Variants in XDH observed in about 807,000 individuals in gnomAD.
The protein encoded by XDH is xanthine dehydrogenase.
A neutral mutation model predicts 156.1 loss-of-function variants in XDH; 138 were observed. The observed-to-expected ratio is 0.88, with a 90% confidence interval of 0.77 to 1.02. The LOEUF (loss-of-function observed/expected upper bound fraction) is 1.02, where lower values mean the gene tolerates loss of function less well. XDH is among the 50% of genes least tolerant of loss of function. XDH has a pLI of 0.00. For missense variants in XDH, 1,849 were observed against 1,684.9 expected (o/e 1.10, Z -1.71); for synonymous variants, 669 against 625.7 (o/e 1.07, Z -1.03).
chr2:31,388,133 C>T, intron 7 of XDH, 94 bp downstream of exon 7: 1 of 1,441,776 alleles, frequency 6.9e-7, no homozygotes, highest in Non-Finnish European at 9.7e-7. Flanking sequence ...GGTTCCTCTT[C>T]CAGCCCCCAC....
chr2:31,413,956 C>A (rs1290491038), intron 1 of XDH, among the ~76,000 whole-genome samples: 2 of 152,050 alleles, frequency 1.3e-5, no homozygotes, highest in Non-Finnish European at 2.9e-5. Context: ...TTCCCTAAGT[C>A]CCTGTGTACC....
At chr2:31,379,572 C>T (rs1370533281) in intron 13 of XDH, among the ~76,000 whole-genome samples, 1 of 152,130 alleles carries the variant, frequency 6.6e-6, no homozygotes, top group Admixed American at 6.5e-5. Flanking sequence ...GACATGGTGC[C>T]CATTTTACAG....
At chr2:31,365,331 T>C in intron 23 of XDH, 126 bp downstream of exon 23, 1 of 967,162 alleles carries the variant, frequency 1.0e-6, no homozygotes, top group Non-Finnish European at 1.7e-6. Context: ...CTTCTTGCTA[T>C]ATCTTATTTG....
rs1452407679 is a variant in XDH at position 31,334,773 on chromosome 2, C to T, written c.*1185G>A. 6.6e-6 allele frequency: 1 copy of T among 152,150 alleles called. No homozygotes were observed. The highest frequency in any genetic ancestry group is 1.9e-4 in the East Asian group (1 of 5,202). The allele number at this position is 152,150 out of a possible 1,614,324, so 9.4% of individuals were successfully genotyped here. On this transcript the variant is annotated 3_prime_UTR_variant, in exon 36 of 36. Coordinates refer to ENST00000379416, the MANE Select transcript of XDH (RefSeq NM_000379.4). ...AAGGGGAATTGACAGTCCAAGATCA[C>T]AAAGATAGAGACAGAAGAGACAGAG...
At chr2:31,392,682 C>T (rs1028236780) in intron 6 of XDH, among the ~76,000 whole-genome samples, 2 of 152,160 alleles carry the variant, frequency 1.3e-5, no homozygotes, top group African/African-American at 4.8e-5. Context: ...CTCATCCTCC[C>T]AAAGTGCTGG....
At chr2:31,362,470 A>G (rs1210841272) in intron 24 of XDH, among the ~76,000 whole-genome samples, 3 of 152,246 alleles carry the variant, frequency 2.0e-5, no homozygotes. Flanking sequence ...AGCCACAAGT[A>G]AAACTAAATT....
At chr2:31,374,002 A>T (rs1440446042) in intron 15 of XDH, 46 bp from the exon 16 acceptor site, 3 of 1,571,880 alleles carry the variant, frequency 1.9e-6, no homozygotes, top group Non-Finnish European at 2.6e-6. Context: ...TATTTCAATC[A>T]CTGATTCCTT....
At chr2:31,348,442 C>A in intron 27 of XDH, 79 bp from the exon 28 acceptor site, 1 of 1,373,286 alleles carries the variant, frequency 7.3e-7, no homozygotes. Context: ...GGTATGGAGC[C>A]CAGGAACAAG....
At chr2:31,390,888 TA>T (rs879639882) in intron 6 of XDH, among the ~76,000 whole-genome samples, 1 of 152,244 alleles carries the variant, frequency 6.6e-6, no homozygotes, top group Non-Finnish European at 1.5e-5. Flanking sequence ...AAGTTCTTTG[TA>T]TATTTGGATA....
intron 1 of XDH, among the ~76,000 whole-genome samples, chr2:31,412,000 G>C (rs757396760): frequency 4.6e-5 from 7 of 151,132 alleles, no homozygotes; most frequent in Non-Finnish European, 7.4e-5. Context: ...TCACCGTGAC[G>C]ATCTCTGTAG....
Position 31,372,380 on chromosome 2 carries a change from C to T in XDH, c.1704G>A (p.Gln568=), listed in dbSNP as rs775082181. Residue 568 remains glutamine (Q), a synonymous_variant, in exon 17 of 36, where the codon CAG becomes CAA. Transcript: ENST00000379416. ...GCCGGCCCACCATGTCCTCCTCAGA[C>T]TGACCCTTGGGCACCTCCTGGAATG... The part of the protein sequence containing the change: ...VQLFQEVPKG[Q]SEEDMVGRPL... 3 of 1,614,108 alleles carry T rather than the reference C, an allele frequency of 1.9e-6. No individual in the cohort carries two copies. Among genetic ancestry groups the T allele is most frequent in the Non-Finnish European group, 1.7e-6 (2 of 1,180,056 alleles).
intron 1 of XDH, among the ~76,000 whole-genome samples, chr2:31,409,219 T>C (rs568337091): frequency 1.3e-5 from 2 of 152,274 alleles, no homozygotes; most frequent in African/African-American, 4.8e-5. Flanking sequence ...AGACCTAGTG[T>C]TGGATAACAC....
chr2:31,345,658 G>A (rs1379158135), intron 30 of XDH, among the ~76,000 whole-genome samples: 1 of 152,016 alleles, frequency 6.6e-6, no homozygotes, highest in African/African-American at 2.4e-5. Context: ...ACCTGCACTA[G>A]TCATTTAACA....
At chr2:31,412,282 G>A (rs1296032741) in intron 1 of XDH, among the ~76,000 whole-genome samples, 1 of 152,170 alleles carries the variant, frequency 6.6e-6, no homozygotes, top group Non-Finnish European at 1.5e-5. Flanking sequence ...AGGCCCTAGA[G>A]GTATTCGACT....
rs552452907 is a variant in XDH, at chr2:31,375,416, T to C, written c.1566A>G (p.Thr522=). The change falls in exon 15 of 36, where the codon ACA becomes ACG. Residue 522 remains threonine, a synonymous_variant. Transcript: ENST00000379416. ...TLSFFFKFYL[T]VLQKLGQENL... ...TCTCTTGGCCCAGCTTCTGAAGGAC[T>C]GTCAGGTAGAACTTGAAGAAGAAGC... 3 of 1,614,212 alleles carry C rather than the reference T, an allele frequency of 1.9e-6. No homozygotes were observed. In the African/African-American group the frequency reaches 4.0e-5, roughly 22 times the overall value.
At chr2:31,393,633 T>G (rs146132613) in intron 6 of XDH, among the ~76,000 whole-genome samples, 2 of 152,152 alleles carry the variant, frequency 1.3e-5, no homozygotes, top group Admixed American at 6.5e-5. Flanking sequence ...ATTGATATAG[T>G]TGGATTAGTA....
rs149985466 is a variant in XDH at position 31,338,096 on chromosome 2, C to T, written c.3775-279G>A. On this transcript the variant is annotated intron_variant, in intron 34 of 35. Coordinates refer to ENST00000379416, the MANE Select transcript of XDH (RefSeq NM_000379.4). ...ATGACATCATGCACATATAATGTACCATTTAAAGTTATACTCGGTAATTGT... is the reference window on the plus strand; with the variant it reads ...ATGACATCATGCACATATAATGTACTATTTAAAGTTATACTCGGTAATTGT... Among the ~76,000 whole-genome samples, 57 of 152,278 alleles carry T rather than the reference C, an allele frequency of 3.7e-4. 1 individual carries two copies. Among genetic ancestry groups the T allele is most frequent in the African/African-American group, 1.3e-3 (54 of 41,554 alleles).
intron 6 of XDH, among the ~76,000 whole-genome samples, chr2:31,397,231 C>A (rs117082837): frequency 0.025 from 3,826 of 152,282 alleles, 65 homozygotes; most frequent in Middle Eastern, 0.065. Context: ...ATAAGCCCAA[C>A]AGAGTGCCAG....
intron 24 of XDH, among the ~76,000 whole-genome samples, chr2:31,361,286 C>T (rs546876883): frequency 6.6e-6 from 1 of 152,346 alleles, no homozygotes; most frequent in South Asian, 2.1e-4. Context: ...TTTCTCAAAA[C>T]TGTTCTATCA....
Sources: allele counts gnomAD v4.1 joint callset (sites outside exome capture counted in the v4.1 genomes callset), GRCh38; gene constraint gnomAD v4.1.1; transcripts MANE v1.5; gene names NCBI Gene and HGNC (gene_info 2026-07-23, HGNC 2026-07-21).